The following PRKN variants were observed in gnomAD, a reference collection of about 807,000 sequenced individuals.
PRKN encodes E3 ubiquitin-protein ligase parkin.
Under a neutral mutation model 59.5 loss-of-function variants are expected in PRKN, and 56 were observed. The ratio of observed to expected loss-of-function variants is 0.94; its 90% CI spans 0.76 to 1.18. The LOEUF (loss-of-function observed/expected upper bound fraction) is 1.18, where lower values mean the gene tolerates loss of function less well. Ranked by LOEUF, PRKN falls within the 50% of genes most tolerant of loss-of-function variation. The pLI is 0.00. For synonymous variants in PRKN, 250 were observed against 222.1 expected (o/e 1.13, Z -1.12); for missense variants, 657 against 596.4 (o/e 1.10, Z -1.06).
At chr6:162,050,731 G>A (rs1777600462) in intron 5 of PRKN, among the ~76,000 whole-genome samples, 1 of 152,074 alleles carries the variant, frequency 6.6e-6, no homozygotes. Context: ...TGGAGAAGGG[G>A]CTTCCTACCA....
chr6:161,678,762 T>C (rs940036409), intron 7 of PRKN, among the ~76,000 whole-genome samples: 1 of 152,042 alleles, frequency 6.6e-6, no homozygotes. Context: ...AGATGGGGTT[T>C]CACCACATTG....
intron 4 of PRKN, among the ~76,000 whole-genome samples, chr6:162,113,677 C>T (rs187986613): frequency 4.3e-4 from 66 of 152,240 alleles, no homozygotes; most frequent in African/African-American, 1.3e-3. Flanking sequence ...ATCCCAGGAT[C>T]GGTAGTTACC....
intron 7 of PRKN, among the ~76,000 whole-genome samples, chr6:161,649,044 A>G (rs181868229): frequency 1.3e-5 from 2 of 152,364 alleles, no homozygotes; most frequent in Admixed American, 6.5e-5. Flanking sequence ...CACCACCTGT[A>G]ATTATTAGTT....
chr6:161,671,607 G>A (rs1340803254), intron 7 of PRKN, among the ~76,000 whole-genome samples: 1 of 152,182 alleles, frequency 6.6e-6, no homozygotes, highest in Non-Finnish European at 1.5e-5. Context: ...CTGGATGGGG[G>A]ACATGAACTG....
intron 2 of PRKN, among the ~76,000 whole-genome samples, chr6:162,404,034 T>TAGAG (rs1787937382): frequency 6.6e-6 from 1 of 152,044 alleles, no homozygotes; most frequent in African/African-American, 2.4e-5. Context: ...ATACATAAAA[T>TAGAG]AGAGGTTGGT....
intron 6 of PRKN, among the ~76,000 whole-genome samples, chr6:161,955,134 G>A (rs1405660097): frequency 3.9e-5 from 6 of 152,148 alleles, no homozygotes; most frequent in Admixed American, 1.3e-4. Flanking sequence ...CTTCCACCTA[G>A]AGCAGGCTTT....
At chr6:162,606,614 C>A (rs552000941) in intron 1 of PRKN, among the ~76,000 whole-genome samples, 2 of 152,234 alleles carry the variant, frequency 1.3e-5, no homozygotes, top group South Asian at 4.1e-4. Flanking sequence ...GATGGAGAGT[C>A]ACAGATGGGA....
At chr6:162,400,389 A>G (rs73033888) in intron 2 of PRKN, among the ~76,000 whole-genome samples, 14,649 of 149,494 alleles carry the variant, frequency 0.098, 864 homozygotes, top group African/African-American at 0.17. Flanking sequence ...AAGCAGAAAG[A>G]TCAATTCACT....
Position 161,370,483 on chromosome 6 carries a change from T to C in PRKN, c.1168-10278A>G, listed in dbSNP as rs369099102. Among the ~76,000 whole-genome samples, 40 of 148,834 alleles carry C rather than the reference T, an allele frequency of 2.7e-4. 1 individual carries two copies. Among genetic ancestry groups the C allele is most frequent in the African/African-American group, 9.2e-4 (37 of 40,138 alleles). ...GGCAGGCACCTGTAGTCCCACCTACTTGGGAGGCTGAGATGGGAGAATGAC... is the reference window on the plus strand; with the variant it reads ...GGCAGGCACCTGTAGTCCCACCTACCTGGGAGGCTGAGATGGGAGAATGAC... On this transcript the variant is annotated intron_variant, in intron 10 of 11. Transcript: ENST00000366898.
At chr6:161,964,900 A>C (rs2128249480) in intron 6 of PRKN, among the ~76,000 whole-genome samples, 1 of 152,230 alleles carries the variant, frequency 6.6e-6, no homozygotes, top group African/African-American at 2.4e-5. Flanking sequence ...AATCAGACTG[A>C]CAAAGAACTT....
At chr6:162,434,071 T>A (rs1789659949) in intron 2 of PRKN, among the ~76,000 whole-genome samples, 1 of 152,056 alleles carries the variant, frequency 6.6e-6, no homozygotes, top group Non-Finnish European at 1.5e-5. Context: ...CAAAATAAAA[T>A]TCAATGACAG....
intron 6 of PRKN, among the ~76,000 whole-genome samples, chr6:161,836,307 G>A (rs754331799): frequency 3.3e-5 from 5 of 152,160 alleles, no homozygotes; most frequent in Admixed American, 6.5e-5. Flanking sequence ...GAGGTTCTGC[G>A]ATGCCAGTGG....
At chr6:161,712,135 C>A (rs574256271) in intron 7 of PRKN, among the ~76,000 whole-genome samples, 1 of 152,258 alleles carries the variant, frequency 6.6e-6, no homozygotes, top group East Asian at 1.9e-4. Flanking sequence ...GGTAACAACT[C>A]AGTTAGCATT....
chr6:162,198,606 T>C (rs1450211340), intron 4 of PRKN, among the ~76,000 whole-genome samples: 1 of 152,080 alleles, frequency 6.6e-6, no homozygotes, highest in Non-Finnish European at 1.5e-5. Context: ...ATAGATACTA[T>C]TGTACCATTG....
chr6:162,382,168 C>G (rs1186520412), intron 2 of PRKN, among the ~76,000 whole-genome samples: 2 of 152,106 alleles, frequency 1.3e-5, no homozygotes, highest in Admixed American at 6.5e-5. Context: ...TAGTACAAGA[C>G]GTATTTAGTC....
At chr6:162,536,369 G>T (rs993155569) in intron 1 of PRKN, among the ~76,000 whole-genome samples, 3 of 152,098 alleles carry the variant, frequency 2.0e-5, no homozygotes, top group Non-Finnish European at 4.4e-5. Flanking sequence ...GAAGTATTCT[G>T]CACAGACCAA....
In PRKN at chr6:161,463,334, C is replaced by G. The variant is rs528926859; in HGVS notation, c.1084-76457G>C. ...TCAGAATGACGACTGTTTGGTTCTA[C>G]CTGGCTTATCCTTACTGATCCTGCC... On this transcript the variant is annotated intron_variant, in intron 9 of 11. Transcript: ENST00000366898. The surrounding 1 kb of genome is among the most constrained non-coding windows in gnomAD (Gnocchi z 4.8). 6.6e-6 allele frequency among the ~76,000 whole-genome samples: 1 copy of G among 152,314 alleles called. No individual in the cohort carries two copies. The highest frequency in any genetic ancestry group is 2.4e-5 in the African/African-American group (1 of 41,564).
chr6:162,714,293 G>GA (rs1489407520), intron 1 of PRKN, among the ~76,000 whole-genome samples: 2 of 152,128 alleles, frequency 1.3e-5, no homozygotes, highest in Non-Finnish European at 2.9e-5. Context: ...GAACAATTGT[G>GA]AAAAAAATCA....
Position 161,349,777 on chromosome 6 carries a change from G to C in PRKN, c.*322C>G. On this transcript the variant is annotated 3_prime_UTR_variant, in exon 12 of 12. Coordinates refer to ENST00000366898, the MANE Select transcript of PRKN (RefSeq NM_004562.3). The surrounding 1 kb of genome is among the most constrained non-coding windows in gnomAD (Gnocchi z 5.5). ...AGATACATGGATTGCACTTGAATCT[G>C]TGCTCTGGTATTTGTGTCATCCGGA... 1 of 477,618 alleles carries C rather than the reference G, an allele frequency of 2.1e-6. No individual in the cohort carries two copies. The highest frequency in any genetic ancestry group is 3.9e-6 in the Non-Finnish European group (1 of 257,688). The allele number at this position is 477,618 out of a possible 1,614,324, so 29.6% of individuals were successfully genotyped here.
Sources: allele counts gnomAD v4.1 joint callset (sites outside exome capture counted in the v4.1 genomes callset), GRCh38; gene constraint gnomAD v4.1.1; non-coding constraint Gnocchi (gnomAD v3.1); transcripts MANE v1.5; gene names NCBI Gene and HGNC (gene_info 2026-07-23, HGNC 2026-07-21).